Variants in SLC22A23 observed in about 807,000 individuals in gnomAD.
The protein encoded by SLC22A23 is solute carrier family 22 member 23.
In SLC22A23, 26 loss-of-function variants were observed where a neutral mutation model predicts 61.0. That is an observed-to-expected ratio of 0.43 (90% CI 0.31 to 0.59). The LOEUF is 0.59. Ranked by LOEUF, SLC22A23 falls within the 20% of genes least tolerant of loss-of-function variation. The pLI is 0.11. For synonymous variants in SLC22A23, 430 were observed against 413.9 expected (o/e 1.04, Z -0.47); for missense variants, 796 against 934.7 (o/e 0.85, Z 1.94).
In SLC22A23 at chr6:3,271,875, C is replaced by T. The variant is rs9503517; in HGVS notation, c.*1180G>A. 0.09 allele frequency: 13,718 copies of T among 152,484 alleles called. 724 individuals carry two copies. Among genetic ancestry groups the T allele is most frequent in the Middle Eastern group, 0.17 (51 of 294 alleles). 9.4% of individuals were successfully genotyped at this position (152,484 alleles called of 1,614,324 possible). A position where few individuals can be genotyped will look rare whatever the true frequency, so the allele number is the denominator to read the frequency against. On this transcript the variant is annotated 3_prime_UTR_variant, in exon 10 of 10. Transcript: ENST00000406686. ...TTCTTTCAATTTGTCTTGATGCCTT[C>T]GAGAGGCTGGAGGTCATTTGGACTC...
intron 1 of SLC22A23, among the ~76,000 whole-genome samples, chr6:3,440,379 G>A (rs1029398271): frequency 6.6e-6 from 1 of 152,080 alleles, no homozygotes; most frequent in Non-Finnish European, 1.5e-5. Flanking sequence ...ATTAGGGTGG[G>A]TCCTGATCCA....
At chr6:3,352,240 C>G (rs532585972) in intron 3 of SLC22A23, among the ~76,000 whole-genome samples, 1 of 150,610 alleles carries the variant, frequency 6.6e-6, no homozygotes, top group Non-Finnish European at 1.5e-5. Flanking sequence ...TACAGACACA[C>G]AGACACTCAC....
intron 3 of SLC22A23, among the ~76,000 whole-genome samples, chr6:3,378,948 C>T (rs985432624): frequency 2.6e-5 from 4 of 152,108 alleles, no homozygotes; most frequent in East Asian, 3.9e-4. Context: ...CTTGAGCCAC[C>T]GCGCCTGGCC....
Position 3,338,608 on chromosome 6 carries a change from C to G in SLC22A23, c.914-14606G>C, listed in dbSNP as rs76393685. On this transcript the variant is annotated intron_variant, in intron 3 of 9. Coordinates refer to ENST00000406686, the MANE Select transcript of SLC22A23 (RefSeq NM_015482.2). ...TACAGGCGTGAGCCACTGTGCCTGG[C>G]CTTAATCTGTCTTTAGTCAGTTTTA... is the stretch of plus-strand genomic sequence containing the variant. Among the ~76,000 whole-genome samples the G allele has an allele frequency of 5.2e-3, 790 of 152,328 alleles. 4 individuals carry two copies. The highest frequency in any genetic ancestry group is 0.018 in the African/African-American group (751 of 41,576).
chr6:3,402,942 A>C (rs906252150), intron 3 of SLC22A23, among the ~76,000 whole-genome samples: 4 of 152,242 alleles, frequency 2.6e-5, no homozygotes, highest in African/African-American at 9.6e-5. Flanking sequence ...CGGGCAGGTC[A>C]TGAAAAACTA....
chr6:3,401,338 A>C (rs1452021405), intron 3 of SLC22A23, among the ~76,000 whole-genome samples: 1 of 152,208 alleles, frequency 6.6e-6, no homozygotes, highest in Non-Finnish European at 1.5e-5. Context: ...ATTCCATCTC[A>C]AAACAAAAAC....
chr6:3,329,927 T>G lies in SLC22A23; in HGVS notation c.914-5925A>C, dbSNP rs1763492018. Among the ~76,000 whole-genome samples, 2 of 152,186 alleles carry G rather than the reference T, an allele frequency of 1.3e-5. No homozygotes were observed. On this transcript the variant is annotated intron_variant, in intron 3 of 9. Transcript: ENST00000406686. This position sits in a 1 kb window ranked among gnomAD's most constrained non-coding sequence, Gnocchi z 4.8. The stretch of plus-strand genomic sequence containing the variant: ...CGTCTGCCCACACTGCTCAGGCTCC[T>G]AAATTAAACACAATTCCTGGAACAG...
At chr6:3,412,494 T>A (rs1388047673) in intron 2 of SLC22A23, among the ~76,000 whole-genome samples, 1 of 152,210 alleles carries the variant, frequency 6.6e-6, no homozygotes, top group African/African-American at 2.4e-5. Context: ...GTTACAAGCA[T>A]GGATGGTTCT....
intron 3 of SLC22A23, among the ~76,000 whole-genome samples, chr6:3,407,472 C>T (rs1768917954): frequency 6.6e-6 from 1 of 152,216 alleles, no homozygotes; most frequent in African/African-American, 2.4e-5. Flanking sequence ...CCCACCTGCC[C>T]ATTATGACTA....
At chr6:3,355,569 A>C (rs150646957) in intron 3 of SLC22A23, among the ~76,000 whole-genome samples, 525 of 152,294 alleles carry the variant, frequency 3.4e-3, no homozygotes, top group Middle Eastern at 0.027. Flanking sequence ...GGCCAAGGTC[A>C]TAACAAGGTT....
chr6:3,290,524 C>T (rs1760486319), intron 5 of SLC22A23: 1 of 153,634 alleles, frequency 6.5e-6, no homozygotes, highest in Non-Finnish European at 1.5e-5. Context: ...TAACAGAAGT[C>T]CTTGGGGGCT....
chr6:3,395,570 G>A (rs952908734), intron 3 of SLC22A23, among the ~76,000 whole-genome samples: 4 of 152,208 alleles, frequency 2.6e-5, no homozygotes, highest in African/African-American at 9.7e-5. Context: ...TCAGGAGACA[G>A]ATAGAGTAGC....
chr6:3,430,749 G>A (rs1319925117), intron 1 of SLC22A23, among the ~76,000 whole-genome samples: 2 of 152,156 alleles, frequency 1.3e-5, no homozygotes, highest in Non-Finnish European at 2.9e-5. Flanking sequence ...GGAGGGGAGT[G>A]GAAAGGAGTT....
chr6:3,402,690 G>A (rs1003768584), intron 3 of SLC22A23, among the ~76,000 whole-genome samples: 1 of 144,654 alleles, frequency 6.9e-6, no homozygotes, highest in Non-Finnish European at 1.5e-5. Context: ...TGACCCCACA[G>A]AACTCACAGC....
chr6:3,370,205 C>T (rs974194809), intron 3 of SLC22A23, among the ~76,000 whole-genome samples: 11 of 152,008 alleles, frequency 7.2e-5, no homozygotes, highest in Middle Eastern at 3.2e-3. Flanking sequence ...GTTAGCCATA[C>T]GTAGGAAGGC....
intron 3 of SLC22A23, among the ~76,000 whole-genome samples, chr6:3,401,066 G>T (rs993444773): frequency 2.6e-5 from 4 of 152,248 alleles, no homozygotes; most frequent in Admixed American, 1.3e-4. Context: ...AATGGGACAG[G>T]CATGGTGGCT....
intron 7 of SLC22A23, 88 bp from the exon 8 acceptor site, chr6:3,285,199 C>A: frequency 6.4e-7 from 1 of 1,560,336 alleles, no homozygotes; most frequent in South Asian, 1.2e-5. Context: ...TGGAGTTAGC[C>A]TAGCGTGTTC....
In SLC22A23 at chr6:3,317,844, T is replaced by C. The variant is rs961947129; in HGVS notation, c.1082+5990A>G. 2.6e-5 allele frequency among the ~76,000 whole-genome samples: 4 copies of C among 152,064 alleles called. No homozygotes were observed. Among genetic ancestry groups the C allele is most frequent in the East Asian group, 1.9e-4 (1 of 5,194 alleles). Reference sequence around the variant, plus strand: ...AGGACCAGGCGAGCGCACCCTCCCATTCTCTGGCCACCAGCTGCCGCAGCT... The same window carrying C: ...AGGACCAGGCGAGCGCACCCTCCCACTCTCTGGCCACCAGCTGCCGCAGCT... On this transcript the variant is annotated intron_variant, in intron 4 of 9. Coordinates refer to ENST00000406686, the MANE Select transcript of SLC22A23 (RefSeq NM_015482.2). The surrounding 1 kb of genome is among the most constrained non-coding windows in gnomAD (Gnocchi z 4.4).
intron 3 of SLC22A23, among the ~76,000 whole-genome samples, chr6:3,375,595 T>C (rs1766513307): frequency 6.6e-6 from 1 of 152,242 alleles, no homozygotes; most frequent in South Asian, 2.1e-4. Context: ...TCAGCAGATG[T>C]AATTTACAGC....
Sources: gnomAD v4.1 joint callset for allele counts (sites outside exome capture counted in the v4.1 genomes callset) on GRCh38, gnomAD v4.1.1 for gene constraint, Gnocchi (gnomAD v3.1) non-coding constraint, MANE v1.5 for transcripts, NCBI Gene and HGNC (gene_info 2026-07-23, HGNC 2026-07-21) for gene names.